Variants in SPECC1L observed in about 807,000 individuals in gnomAD.
SPECC1L encodes sperm antigen with calponin homology and coiled-coil domains 1 like, also known as cytospin-A.
A neutral mutation model predicts 116.8 loss-of-function variants in SPECC1L; 40 were observed. That is an observed-to-expected ratio of 0.34 (90% CI 0.27 to 0.45). The LOEUF (loss-of-function observed/expected upper bound fraction) is 0.45. Among genes scored for constraint, SPECC1L ranks in the 20% least tolerant of loss-of-function variants. The pLI, the probability that SPECC1L is intolerant of heterozygous loss-of-function variation, is 1.00. For synonymous variants in SPECC1L, 504 were observed against 500.6 expected, an observed-to-expected ratio of 1.01 and a Z score of -0.09; for missense variants, 1,110 against 1,373.6, an observed-to-expected ratio of 0.81 and a Z score of 3.03.
intron 11 of SPECC1L, among the ~76,000 whole-genome samples, chr22:24,360,177 A>G (rs2041615641): frequency 6.6e-6 from 1 of 152,218 alleles, no homozygotes; most frequent in South Asian, 2.1e-4. Flanking sequence ...CTCAATTGTA[A>G]TACACTAATC....
intron 7 of SPECC1L, 84 bp from the exon 8 acceptor site, chr22:24,330,172 A>G (rs752474339): frequency 7.1e-7 from 1 of 1,408,570 alleles, no homozygotes; most frequent in African/African-American, 1.4e-5. Flanking sequence ...CATTATAGCA[A>G]TCCAATCATA....
chr22:24,355,426 C>CCTGTCTGTCTGT (rs143848080), intron 11 of SPECC1L, among the ~76,000 whole-genome samples: 34 of 151,830 alleles, frequency 2.2e-4, no homozygotes, highest in South Asian at 1.3e-3. Flanking sequence ...TATACACTAT[C>CCTGTCTGTCTGT]CTGTCTGTCT....
intron 6 of SPECC1L, among the ~76,000 whole-genome samples, chr22:24,324,901 C>A (rs1308165647): frequency 6.6e-6 from 1 of 152,122 alleles, no homozygotes; most frequent in Non-Finnish European, 1.5e-5. Flanking sequence ...TGGTAACTGC[C>A]TGGCAATATC....
At chr22:24,298,783 A>C (rs1030924890) in intron 2 of SPECC1L, among the ~76,000 whole-genome samples, 1 of 152,226 alleles carries the variant, frequency 6.6e-6, no homozygotes, top group Admixed American at 6.5e-5. Flanking sequence ...AGGCCCACCC[A>C]CATTAGGGAA....
intron 8 of SPECC1L, among the ~76,000 whole-genome samples, chr22:24,333,839 C>T (rs1014665168): frequency 6.6e-6 from 1 of 151,924 alleles, no homozygotes; most frequent in African/African-American, 2.4e-5. Flanking sequence ...GATGTCCTTA[C>T]CTTACACTTA....
rs558922700 is a variant in SPECC1L, at chr22:24,352,122, T to A, written c.2743+4946T>A. On this transcript the variant is annotated intron_variant, in intron 11 of 16. Transcript: ENST00000314328. ...ACTATAAATGCACTTAATCAAATGCTCTTTTGTTGGTATTACCAGCAGTGG... is the reference window on the plus strand; with the variant it reads ...ACTATAAATGCACTTAATCAAATGCACTTTTGTTGGTATTACCAGCAGTGG... Among the ~76,000 whole-genome samples, 11 of 152,262 alleles carry A rather than the reference T, an allele frequency of 7.2e-5. No homozygotes were observed. The East Asian group carries it at 1.5e-3, about 21-fold the overall frequency.
chr22:24,272,314 GA>G (rs1285574848), intron 1 of SPECC1L, among the ~76,000 whole-genome samples: 2 of 152,150 alleles, frequency 1.3e-5, no homozygotes, highest in Non-Finnish European at 2.9e-5. Flanking sequence ...GCAGTGAGCC[GA>G]GTTCGCGCCA....
intron 10 of SPECC1L, among the ~76,000 whole-genome samples, chr22:24,344,821 T>C (rs1601586370): frequency 1.3e-5 from 2 of 152,326 alleles, no homozygotes; most frequent in East Asian, 3.9e-4. Context: ...TAGCAATAAA[T>C]ATAATGAAAT....
At chr22:24,330,529 T>A in intron 8 of SPECC1L, 98 bp downstream of exon 8, 1 of 1,344,766 alleles carries the variant, frequency 7.4e-7, no homozygotes, top group South Asian at 1.2e-5. Context: ...TGGAGTTTGA[T>A]ACTTACTGAG....
At chr22:24,307,585 C>G (rs553080686) in intron 3 of SPECC1L, among the ~76,000 whole-genome samples, 185 of 151,430 alleles carry the variant, frequency 1.2e-3, no homozygotes, top group African/African-American at 3.8e-3. Context: ...GTATGTGTGT[C>G]TGTGTGTGTA....
chr22:24,295,154 C>G (rs961559985), intron 2 of SPECC1L, among the ~76,000 whole-genome samples: 2 of 150,660 alleles, frequency 1.3e-5, no homozygotes, highest in Non-Finnish European at 2.9e-5. Context: ...CTGGGACATT[C>G]TAGTGAGCGT....
At chr22:24,297,739 A>G (rs545278405) in intron 2 of SPECC1L, among the ~76,000 whole-genome samples, 1 of 152,250 alleles carries the variant, frequency 6.6e-6, no homozygotes, top group Non-Finnish European at 1.5e-5. Context: ...TCTGAATGAC[A>G]TGATGAAATC....
chr22:24,404,320 C>T (rs79741258), intron 14 of SPECC1L, among the ~76,000 whole-genome samples: 16 of 152,318 alleles, frequency 1.1e-4, no homozygotes, highest in South Asian at 4.1e-4. Context: ...TCTGTCTCTC[C>T]GCACTGCTCT....
At chr22:24,369,088 A>G in intron 13 of SPECC1L, 130 bp from the exon 14 acceptor site, 1 of 711,914 alleles carries the variant, frequency 1.4e-6, no homozygotes, top group Non-Finnish European at 2.5e-6. Context: ...AATGTATGAA[A>G]AACTATGTCT....
intron 11 of SPECC1L, among the ~76,000 whole-genome samples, chr22:24,359,028 G>A (rs1417252265): frequency 6.6e-6 from 1 of 151,868 alleles, no homozygotes; most frequent in African/African-American, 2.4e-5. Flanking sequence ...TCCTTCTCCT[G>A]TATCTTCAAC....
At chr22:24,348,409 T>A (rs2041348505) in intron 11 of SPECC1L, among the ~76,000 whole-genome samples, 1 of 152,178 alleles carries the variant, frequency 6.6e-6, no homozygotes, top group South Asian at 2.1e-4. Context: ...GTGGTTGAAC[T>A]GGCCCTATAC....
At chr22:24,388,481 A>G (rs1222344070) in intron 14 of SPECC1L, among the ~76,000 whole-genome samples, 3 of 151,604 alleles carry the variant, frequency 2.0e-5, no homozygotes, top group Admixed American at 1.3e-4. Context: ...AATCCAGTCT[A>G]TCATTGTTGG....
intron 3 of SPECC1L, among the ~76,000 whole-genome samples, chr22:24,303,653 T>C (rs986699095): frequency 3.3e-5 from 5 of 152,182 alleles, no homozygotes; most frequent in Admixed American, 6.5e-5. Context: ...GCAGTGTCTT[T>C]GGAGGTTTAC....
At chr22:24,332,302 C>T (rs772521629) in intron 8 of SPECC1L, among the ~76,000 whole-genome samples, 5 of 151,780 alleles carry the variant, frequency 3.3e-5, no homozygotes, top group Admixed American at 2.0e-4. Context: ...GAGATCATTG[C>T]GACTTAAAAA....
Sources: allele counts gnomAD v4.1 joint callset (sites outside exome capture counted in the v4.1 genomes callset), GRCh38; gene constraint gnomAD v4.1.1; transcripts MANE v1.5; gene names NCBI Gene and HGNC (gene_info 2026-07-23, HGNC 2026-07-21).